The following ISOC2 variants were observed in gnomAD, a reference collection of about 807,000 sequenced individuals.
ISOC2 encodes the protein isochorismatase domain containing 2.
ISOC2 carries 15 observed loss-of-function variants against 19.3 expected under a neutral mutation model. The ratio of observed to expected loss-of-function variants is 0.78; its 90% CI spans 0.52 to 1.20. The LOEUF is 1.20. ISOC2 is among the 50% of genes most tolerant of loss of function. The pLI, the probability that ISOC2 is intolerant of heterozygous loss-of-function variation, is 0.00. For missense variants in ISOC2, 285 were observed against 272.4 expected (o/e 1.05, Z -0.33); for synonymous variants, 106 against 115.8 (o/e 0.92, Z 0.54).
intron 1 of ISOC2, 21 bp from the exon 2 acceptor site, chr19:55,456,510 G>A (rs376213389): frequency 4.0e-5 from 65 of 1,612,432 alleles, no homozygotes; most frequent in Non-Finnish European, 5.2e-5. Context: ...GCAGAGGGAC[G>A]GTGGGTCAGG....
chr19:55,457,761 C>T (rs565010850), intron 1 of ISOC2, among the ~76,000 whole-genome samples: 21 of 146,858 alleles, frequency 1.4e-4, no homozygotes, highest in East Asian at 4.0e-4. Flanking sequence ...ACCTGGGAGG[C>T]GGAGGTTGCA....
At chr19:55,458,345 T>C (rs1169712942) in intron 1 of ISOC2, among the ~76,000 whole-genome samples, 1 of 152,052 alleles carries the variant, frequency 6.6e-6, no homozygotes, top group Non-Finnish European at 1.5e-5. Context: ...CAAGTGAGGG[T>C]TTGGGCTGGG....
intron 4 of ISOC2, 39 bp downstream of exon 4, chr19:55,455,221 G>A: frequency 3.8e-6 from 6 of 1,578,718 alleles, no homozygotes; most frequent in Non-Finnish European, 5.2e-6. Flanking sequence ...AGCCCCTGAT[G>A]GCCCCCACGT....
intron 1 of ISOC2, among the ~76,000 whole-genome samples, chr19:55,459,371 G>C (rs549587685): frequency 8.9e-4 from 135 of 152,236 alleles, no homozygotes; most frequent in African/African-American, 3.1e-3. Flanking sequence ...AAATAAAATT[G>C]AATGGAAACT....
chr19:55,458,323 G>A (rs541497276), intron 1 of ISOC2, among the ~76,000 whole-genome samples: 2 of 152,276 alleles, frequency 1.3e-5, no homozygotes, highest in South Asian at 2.1e-4. Flanking sequence ...TTGGGTCTCC[G>A]AGTTTGCTGC....
Position 55,456,359 on chromosome 19 carries a change from C to G in ISOC2, c.128G>C (p.Arg43Pro). The change falls in exon 2 of 6, where the codon CGC (arginine) becomes CCC (proline). Residue 43 changes from arginine to proline, a missense_variant. Physicochemically the swap from Arg to Pro is moderately radical, Grantham distance 103. Transcript: ENST00000425675. Reference sequence around the variant, plus strand: ...GGGCTGAGGTCATACCTTGAGCATGCGGGCAGCCACTGAGACGATCTGTGG... The same window carrying G: ...GGGCTGAGGTCATACCTTGAGCATGGGGGCAGCCACTGAGACGATCTGTGG... The part of the protein sequence containing the change: ...YFPQIVSVAA[R>P]MLKVARLLEV... 6.2e-7 allele frequency: 1 copy of G among 1,613,596 alleles called. No individual in the cohort carries two copies. Among genetic ancestry groups the G allele is most frequent in the South Asian group, 1.1e-5 (1 of 91,074 alleles).
intron 1 of ISOC2, among the ~76,000 whole-genome samples, chr19:55,457,792 T>G (rs1986107512): frequency 6.9e-6 from 1 of 144,388 alleles, no homozygotes; most frequent in Admixed American, 7.2e-5. Context: ...ATAGCACCAC[T>G]GCCAGTCCAG....
At position 55,455,114 on chromosome 19, in the gene ISOC2, T is replaced by G; in HGVS notation, c.420-8A>C. On this transcript the variant is annotated splice_polypyrimidine_tract_variant and splice_region_variant and intron_variant, in intron 4 of 5. Transcript: ENST00000425675. ...ACCAGCCGGTCCACCTGGCTGTGAGTGGGAGGGAGGGAGGGAAGGTTGGTG... is the reference window on the plus strand; with the variant it reads ...ACCAGCCGGTCCACCTGGCTGTGAGGGGGAGGGAGGGAGGGAAGGTTGGTG... 3.6e-6 allele frequency: 3 copies of G among 833,164 alleles called. No homozygotes were observed. The highest frequency in any genetic ancestry group is 5.7e-6 in the Non-Finnish European group (3 of 524,264). The allele number at this position is 833,164 out of a possible 1,614,324, so 51.6% of individuals were successfully genotyped here. A position where few individuals can be genotyped will look rare whatever the true frequency, so the allele number is the denominator to read the frequency against.
intron 2 of ISOC2, 190 bp from the exon 3 acceptor site, chr19:55,456,035 C>G (rs1986048561): frequency 5.1e-6 from 3 of 592,516 alleles, no homozygotes; most frequent in Non-Finnish European, 6.0e-6. Context: ...GGAGGAGGAG[C>G]TGGGCCTGGA....
rs773398576 is a variant in ISOC2 at position 55,453,257 on chromosome 19, C to T, written c.*51G>A. 2.1e-6 allele frequency: 3 copies of T among 1,399,742 alleles called. No individual in the cohort carries two copies. The Admixed American group carries it at 6.5e-5, about 30-fold the overall frequency. The allele number at this position is 1,399,742 out of a possible 1,614,324, so 86.7% of individuals were successfully genotyped here. A position where few individuals can be genotyped will look rare whatever the true frequency, so the allele number is the denominator to read the frequency against. On this transcript the variant is annotated 3_prime_UTR_variant, in exon 6 of 6. Transcript: ENST00000425675. ...CAGGGATGGGGGGAACGGGCTTCCA[C>T]TGAGGTCCGGGTGACAGGAGGGTGG...
At chr19:55,458,746 T>C (rs1286958064) in intron 1 of ISOC2, among the ~76,000 whole-genome samples, 1 of 151,958 alleles carries the variant, frequency 6.6e-6, no homozygotes, top group Admixed American at 6.6e-5. Flanking sequence ...CAGGCTGGTC[T>C]TGAACTCCTG....
At chr19:55,459,937 A>C (rs1456225772) in intron 1 of ISOC2, 1 of 151,786 alleles carries the variant, frequency 6.6e-6, no homozygotes, top group Non-Finnish European at 1.5e-5. Context: ...GCACCCAGGA[A>C]CTCCCCTCTG....
intron 1 of ISOC2, among the ~76,000 whole-genome samples, chr19:55,458,310 C>T (rs1461089852): frequency 6.6e-6 from 1 of 152,166 alleles, no homozygotes; most frequent in Non-Finnish European, 1.5e-5. Flanking sequence ...GAGGCTTGTG[C>T]TTTTGGGTCT....
chr19:55,458,383 G>A (rs963044288), intron 1 of ISOC2, among the ~76,000 whole-genome samples: 4 of 152,202 alleles, frequency 2.6e-5, no homozygotes, highest in African/African-American at 9.7e-5. Flanking sequence ...CTCCCCGTCT[G>A]TGTGTACAAT....
chr19:55,455,523 C>T, intron 3 of ISOC2, 113 bp downstream of exon 3: 1 of 1,121,744 alleles, frequency 8.9e-7, no homozygotes, highest in Non-Finnish European at 1.3e-6. Context: ...GGGCCCAGGT[C>T]AGGATGGGGG....
At chr19:55,456,513 G>A (rs1290242310) in intron 1 of ISOC2, 24 bp from the exon 2 acceptor site, 1 of 1,612,384 alleles carries the variant, frequency 6.2e-7, no homozygotes, top group East Asian at 2.2e-5. Context: ...GAGGGACGGT[G>A]GGTCAGGCCC....
At chr19:55,456,562 C>G (rs938375011) in intron 1 of ISOC2, 73 bp from the exon 2 acceptor site, 1 of 1,574,016 alleles carries the variant, frequency 6.4e-7, no homozygotes, top group African/African-American at 1.3e-5. Context: ...CGTCCAGGTC[C>G]TCACACTCAG....
intron 1 of ISOC2, among the ~76,000 whole-genome samples, chr19:55,460,545 C>T (rs1257428453): frequency 6.6e-6 from 1 of 152,232 alleles, no homozygotes; most frequent in African/African-American, 2.4e-5. Context: ...CAAAACCCGG[C>T]AAAACTGATC....
At chr19:55,454,871 C>CA in intron 5 of ISOC2, 118 bp downstream of exon 5, 1 of 771,028 alleles carries the variant, frequency 1.3e-6, no homozygotes, top group Non-Finnish European at 2.3e-6. Flanking sequence ...GCCTCCCCTC[C>CA]AAGAACCTGG....
Sources: allele counts gnomAD v4.1 joint callset (sites outside exome capture counted in the v4.1 genomes callset), GRCh38; gene constraint gnomAD v4.1.1; transcripts MANE v1.5; gene names NCBI Gene and HGNC (gene_info 2026-07-23, HGNC 2026-07-21).